The following TUBA4B variants were observed in gnomAD, a reference collection of about 807,000 sequenced individuals.
TUBA4B encodes the protein tubulin alpha 4b.
TUBA4B carries 13 observed loss-of-function variants against 18.4 expected under a neutral mutation model. That is an observed-to-expected ratio of 0.71 (90% CI 0.46 to 1.12). The LOEUF is 1.12. TUBA4B is among the 50% of genes most tolerant of loss of function. The pLI is 0.00. For synonymous variants in TUBA4B, 101 were observed against 99.1 expected (o/e 1.02, Z -0.11); for missense variants, 244 against 250.0 (o/e 0.98, Z 0.16).
chr2:219,261,631 A>C (rs1040402519), intron 1 of TUBA4B, among the ~76,000 whole-genome samples: 1 of 152,132 alleles, frequency 6.6e-6, no homozygotes, highest in Non-Finnish European at 1.5e-5. Context: ...TTTACTGCCA[A>C]CCCAGCTACT....
intron 3 of TUBA4B, among the ~76,000 whole-genome samples, 151 bp downstream of exon 3, chr2:219,270,486 C>T (rs2891733): frequency 0.78 from 119,034 of 151,940 alleles, 48,857 homozygotes; most frequent in Non-Finnish European, 0.9. Flanking sequence ...GCACTCTGAT[C>T]GGGGGGCCAA....
intron 1 of TUBA4B, among the ~76,000 whole-genome samples, chr2:219,259,020 T>C (rs1388577163): frequency 6.6e-6 from 1 of 151,968 alleles, no homozygotes; most frequent in Non-Finnish European, 1.5e-5. Flanking sequence ...AGTGGCTCCC[T>C]CCTGTAAATC....
chr2:219,266,280 G>A, intron 1 of TUBA4B: 1 of 508,712 alleles, frequency 2.0e-6, no homozygotes, highest in Non-Finnish European at 3.5e-6. Flanking sequence ...GTACCCAGAG[G>A]CCTGGATACC....
At chr2:219,262,973 G>A (rs1166704353) in intron 1 of TUBA4B, among the ~76,000 whole-genome samples, 2 of 152,120 alleles carry the variant, frequency 1.3e-5, no homozygotes, top group South Asian at 2.1e-4. Flanking sequence ...CCCGGGAGGC[G>A]GAGGTCGCAG....
chr2:219,264,896 T>A (rs1951781250), intron 1 of TUBA4B, among the ~76,000 whole-genome samples: 1 of 152,338 alleles, frequency 6.6e-6, no homozygotes, highest in Middle Eastern at 3.4e-3. Context: ...CTAGTGGCCA[T>A]GCGTTCGAAA....
At chr2:219,265,263 C>T (rs73991446) in intron 1 of TUBA4B, among the ~76,000 whole-genome samples, 8,335 of 152,270 alleles carry the variant, frequency 0.055, 510 homozygotes, top group African/African-American at 0.15. Flanking sequence ...TTTCCTTCAT[C>T]CTGGGAAAGG....
intron 1 of TUBA4B, among the ~76,000 whole-genome samples, chr2:219,257,408 C>T (rs1271918148): frequency 1.4e-5 from 2 of 141,040 alleles, no homozygotes; most frequent in East Asian, 2.1e-4. Flanking sequence ...TTTGGGAGGC[C>T]GAGGCAGGTG....
chr2:219,267,631 C>T (rs1264385596), intron 2 of TUBA4B, among the ~76,000 whole-genome samples: 2 of 150,384 alleles, frequency 1.3e-5, no homozygotes, highest in Non-Finnish European at 3.0e-5. Context: ...GTGGCGCAAT[C>T]TCGGCTCACT....
At chr2:219,260,743 G>A (rs1951754900) in intron 1 of TUBA4B, among the ~76,000 whole-genome samples, 1 of 152,178 alleles carries the variant, frequency 6.6e-6, no homozygotes, top group Non-Finnish European at 1.5e-5. Context: ...GAAGGCCAAG[G>A]TGGCGGATCA....
At chr2:219,259,318 T>TAAAA (rs35321348) in intron 1 of TUBA4B, among the ~76,000 whole-genome samples, 4 of 73,884 alleles carry the variant, frequency 5.4e-5, no homozygotes, top group Non-Finnish European at 8.2e-5. Context: ...AGACTCTGTC[T>TAAAA]AAAAAAAAAA....
Position 219,271,995 on chromosome 2 carries a change from G to A in TUBA4B, c.*296G>A. Reference sequence around the variant, plus strand: ...GTTTGACCTGATGTATGCCAAGAGGGCGTTTGGGCACTGATATGTGGGTGA... The same window carrying A: ...GTTTGACCTGATGTATGCCAAGAGGACGTTTGGGCACTGATATGTGGGTGA... On this transcript the variant is annotated 3_prime_UTR_variant, in exon 4 of 4. Transcript: ENST00000490341. The A allele has an allele frequency of 1.3e-6, 2 of 1,524,390 alleles. No homozygotes were observed. The highest frequency in any genetic ancestry group is 2.2e-5 in the South Asian group (2 of 89,182). The allele number at this position is 1,524,390 out of a possible 1,614,324, so 94.4% of individuals were successfully genotyped here.
chr2:219,261,951 G>C (rs528706450), intron 1 of TUBA4B, among the ~76,000 whole-genome samples: 24 of 152,234 alleles, frequency 1.6e-4, no homozygotes, highest in African/African-American at 5.5e-4. Context: ...TTATTATTCT[G>C]TCTGTCTGGA....
intron 2 of TUBA4B, 78 bp downstream of exon 2, chr2:219,266,644 A>G (rs899655672): frequency 2.0e-5 from 14 of 692,422 alleles, no homozygotes; most frequent in Non-Finnish European, 3.4e-5. Context: ...GCGTGAAGGT[A>G]CCTTGGGAGT....
At chr2:219,254,317 A>G (rs2125072271) in intron 1 of TUBA4B, 1 of 154,732 alleles carries the variant, frequency 6.5e-6, no homozygotes, top group South Asian at 2.0e-4. Flanking sequence ...GCTGGCCTTC[A>G]CCCCTGCCCT....
chr2:219,264,459 CAAAAAAAA>C (rs36027298), intron 1 of TUBA4B, among the ~76,000 whole-genome samples: 1 of 78,870 alleles, frequency 1.3e-5, no homozygotes, highest in African/African-American at 3.8e-5. Context: ...GGCCCTGTCT[CAAAAAAAA>C]AAAAAAAAAG....
Position 219,265,720 on chromosome 2 carries a change from C to A in TUBA4B, c.13-801C>A, listed in dbSNP as rs560284966. Among the ~76,000 whole-genome samples the A allele has an allele frequency of 5.3e-5, 8 of 152,240 alleles. No individual in the cohort carries two copies. In the South Asian group the frequency reaches 1.7e-3, roughly 32 times the overall value. ...ATTTCAGAATTTTGCCTAAGACTAT[C>A]GGGAGACTCCTTTTCTGGGGACATA... On this transcript the variant is annotated intron_variant, in intron 1 of 3. Transcript: ENST00000490341.
intron 1 of TUBA4B, 109 bp downstream of exon 1, chr2:219,253,528 G>A (rs1291625692): frequency 3.1e-6 from 3 of 959,522 alleles, no homozygotes; most frequent in Non-Finnish European, 4.8e-6. Flanking sequence ...TTTTGCCCGC[G>A]GAAAGGACGG....
chr2:219,254,059 C>T (rs955129008), intron 1 of TUBA4B: 45 of 482,170 alleles, frequency 9.3e-5, no homozygotes, highest in African/African-American at 7.9e-4. Context: ...GGAGCCTGGC[C>T]TGGTACCCTC....
intron 1 of TUBA4B, among the ~76,000 whole-genome samples, chr2:219,261,022 C>CCTCTCT (rs142648658): frequency 1.3e-5 from 2 of 148,732 alleles, no homozygotes; most frequent in African/African-American, 4.9e-5. Context: ...GGATCACTTT[C>CCTCTCT]CTCTCTCTCT....
Sources: allele counts gnomAD v4.1 joint callset (sites outside exome capture counted in the v4.1 genomes callset), GRCh38; gene constraint gnomAD v4.1.1; transcripts MANE v1.5; gene names NCBI Gene and HGNC (gene_info 2026-07-23, HGNC 2026-07-21).